Variants in SHISAL1 observed in about 807,000 individuals in gnomAD.
SHISAL1 encodes protein shisa-like-1.
SHISAL1 carries 9 observed loss-of-function variants against 22.6 expected under a neutral mutation model. That is an observed-to-expected ratio of 0.40 (90% CI 0.24 to 0.70). SHISAL1 has a LOEUF of 0.70. SHISAL1 is among the 30% of genes least tolerant of loss of function. The probability of loss-of-function intolerance (pLI) is 0.39; values close to 1 mark genes in which losing one functional copy is unlikely to be tolerated. For synonymous variants in SHISAL1, 119 were observed against 115.4 expected, an observed-to-expected ratio of 1.03 and a Z score of -0.20; for missense variants, 246 against 270.6, an observed-to-expected ratio of 0.91 and a Z score of 0.64.
the SHISAL1 span, among the ~76,000 whole-genome samples, chr22:44,319,249 C>T: frequency 6.6e-6 from 1 of 152,246 alleles, no homozygotes; most frequent in Non-Finnish European, 1.5e-5. Context: ...CCAATGTTCC[C>T]AAAAGGAGGG....
In SHISAL1 at chr22:44,269,711, T is replaced by G. The variant is rs369482002; in HGVS notation, c.599+15717A>C. Among the ~76,000 whole-genome samples the G allele has an allele frequency of 3.5e-4, 51 of 145,976 alleles. No individual in the cohort carries two copies. The East Asian group carries it at 8.2e-3, about 23-fold the overall frequency. On this transcript the variant is annotated intron_variant, in intron 4 of 4. Coordinates refer to ENST00000381176, the MANE Select transcript of SHISAL1 (RefSeq NM_001099294.2). ...CACCAAGCCACACACTCACAACACATACACACACCCATGCCACACAGACAT... is the reference window on the plus strand; with the variant it reads ...CACCAAGCCACACACTCACAACACAGACACACACCCATGCCACACAGACAT...
intron 3 of SHISAL1, among the ~76,000 whole-genome samples, chr22:44,291,438 C>T (rs559148036): frequency 6.6e-6 from 1 of 152,318 alleles, no homozygotes; most frequent in Admixed American, 6.5e-5. Context: ...AGCCTCAGCC[C>T]TAGTGAACGG....
intron 4 of SHISAL1, 77 bp downstream of exon 4, chr22:44,285,351 G>T: frequency 6.9e-7 from 1 of 1,453,356 alleles, no homozygotes; most frequent in Non-Finnish European, 9.6e-7. Context: ...ACACTATGGC[G>T]AGAGTGATGG....
chr22:44,280,111 A>G (rs1369738148), intron 4 of SHISAL1, among the ~76,000 whole-genome samples: 3 of 152,152 alleles, frequency 2.0e-5, no homozygotes, highest in African/African-American at 7.2e-5. Flanking sequence ...ACCTCAGGGC[A>G]GGTTTTGAAG....
At chr22:44,322,809 C>T in the SHISAL1 span, among the ~76,000 whole-genome samples, 11 of 152,228 alleles carry the variant, frequency 7.2e-5, no homozygotes, top group Non-Finnish European at 1.5e-4. Flanking sequence ...ACAACGCATC[C>T]CACCTTGTCG....
chr22:44,276,199 T>C (rs1424682329), intron 4 of SHISAL1, among the ~76,000 whole-genome samples: 1 of 152,122 alleles, frequency 6.6e-6, no homozygotes, highest in African/African-American at 2.4e-5. Context: ...AAGGCCCCTC[T>C]GATCGGGTGA....
chr22:44,278,677 C>T lies in SHISAL1; in HGVS notation c.599+6751G>A, dbSNP rs140086683. On this transcript the variant is annotated intron_variant, in intron 4 of 4. Coordinates refer to ENST00000381176, the MANE Select transcript of SHISAL1 (RefSeq NM_001099294.2). Reference sequence around the variant, plus strand: ...AGAGAGGGGTCAAGGAGTTGTGTTCCCCAGGAGAAGGGGTGAGGAGAAACT... The same window carrying T: ...AGAGAGGGGTCAAGGAGTTGTGTTCTCCAGGAGAAGGGGTGAGGAGAAACT... 5.7e-3 allele frequency among the ~76,000 whole-genome samples: 867 copies of T among 152,212 alleles called. 12 individuals carry two copies. The highest frequency in any genetic ancestry group is 0.02 in the African/African-American group (811 of 41,532).
At chr22:44,276,495 A>G (rs909113126) in intron 4 of SHISAL1, among the ~76,000 whole-genome samples, 1 of 147,896 alleles carries the variant, frequency 6.8e-6, no homozygotes, top group African/African-American at 2.5e-5. Context: ...TCAGGGAGAT[A>G]TGTGGAGGCA....
At chr22:44,321,210 A>G in the SHISAL1 span, among the ~76,000 whole-genome samples, 2 of 152,106 alleles carry the variant, frequency 1.3e-5, no homozygotes, top group African/African-American at 2.4e-5. Flanking sequence ...CTCTCCAGCA[A>G]TCCAGTAACT....
At position 44,266,528 on chromosome 22, in the gene SHISAL1, A is replaced by ATGTGTGTATGTGTGTGTGTGTGTG. The variant is rs1555926299; in HGVS notation, c.*-16844_*-16843insCACACACACACACACATACACACA. 3.6e-4 allele frequency among the ~76,000 whole-genome samples: 39 copies of ATGTGTGTATGTGTGTGTGTGTGTG among 108,324 alleles called. 1 individual carries two copies. The highest frequency in any genetic ancestry group is 1.4e-3 in the African/African-American group (38 of 26,336). 71.1% of individuals were successfully genotyped at this position (108,324 alleles called of 152,430 possible). A position where few individuals can be genotyped will look rare whatever the true frequency, so the allele number is the denominator to read the frequency against. ...ATGTGTGTGTTGGGGGCTTTGGGGT[A>ATGTGTGTATGTGTGTGTGTGTGTG]TGTGTGTGTGTGTGTGTGTGTGTGT... On this transcript the variant is annotated intron_variant, in intron 4 of 4. Transcript: ENST00000381176.
At chr22:44,291,228 C>T (rs947708548) in intron 3 of SHISAL1, among the ~76,000 whole-genome samples, 19 of 152,306 alleles carry the variant, frequency 1.2e-4, no homozygotes, top group African/African-American at 4.6e-4. Context: ...TCACAGAATG[C>T]TTTACACATA....
At chr22:44,303,950 C>T (rs955666392) in intron 1 of SHISAL1, among the ~76,000 whole-genome samples, 7 of 152,220 alleles carry the variant, frequency 4.6e-5, no homozygotes, top group African/African-American at 1.7e-4. Context: ...CTCCGCCCCC[C>T]AGGAGGACGG....
At chr22:44,278,195 A>T (rs1197003126) in intron 4 of SHISAL1, among the ~76,000 whole-genome samples, 1 of 152,150 alleles carries the variant, frequency 6.6e-6, no homozygotes, top group Non-Finnish European at 1.5e-5. Flanking sequence ...AAAAGGTGAG[A>T]CTGGCCTAGC....
intron 4 of SHISAL1, among the ~76,000 whole-genome samples, chr22:44,263,228 G>A (rs1291287423): frequency 1.3e-5 from 2 of 151,694 alleles, no homozygotes; most frequent in Non-Finnish European, 2.9e-5. Flanking sequence ...CCACCACCAC[G>A]CCCAGTTAGT....
At chr22:44,307,774 G>A (rs982171671) in intron 1 of SHISAL1, among the ~76,000 whole-genome samples, 16 of 152,214 alleles carry the variant, frequency 1.1e-4, no homozygotes, top group African/African-American at 3.1e-4. Context: ...AGGAGGGCAC[G>A]TGAAGAGAAA....
intron 2 of SHISAL1, among the ~76,000 whole-genome samples, chr22:44,300,182 GAGAC>G (rs2055418310): frequency 6.6e-6 from 1 of 151,946 alleles, no homozygotes. Flanking sequence ...TAGAGATACA[GAGAC>G]AGACACAGAC....
chr22:44,305,323 G>T (rs577385518), intron 1 of SHISAL1, among the ~76,000 whole-genome samples: 1 of 152,320 alleles, frequency 6.6e-6, no homozygotes, highest in African/African-American at 2.4e-5. Context: ...GGGAGCACAG[G>T]CAAGGGTGCC....
chr22:44,296,587 C>T, intron 3 of SHISAL1, 85 bp downstream of exon 3: 2 of 1,230,228 alleles, frequency 1.6e-6, no homozygotes, highest in Non-Finnish European at 2.4e-6. Flanking sequence ...TACCCAACCG[C>T]CTCCCTAGGG....
chr22:44,283,555 T>G (rs1191685869), intron 4 of SHISAL1, among the ~76,000 whole-genome samples: 1 of 152,076 alleles, frequency 6.6e-6, no homozygotes, highest in Admixed American at 6.6e-5. Context: ...CACAGTGACG[T>G]AGGAAATGGA....
Sources: allele counts gnomAD v4.1 joint callset (sites outside exome capture counted in the v4.1 genomes callset), GRCh38; gene constraint gnomAD v4.1.1; transcripts MANE v1.5; gene names NCBI Gene and HGNC (gene_info 2026-07-23, HGNC 2026-07-21).